Variants in EDIL3 observed in about 807,000 individuals in gnomAD.
EDIL3 encodes EGF like and discoidin domains 3.
Under a neutral mutation model 67.4 loss-of-function variants are expected in EDIL3, and 37 were observed. The observed-to-expected ratio is 0.55, with a 90% CI of 0.42 to 0.72. The LOEUF (loss-of-function observed/expected upper bound fraction) is 0.72, where lower values mean the gene tolerates loss of function less well. Ranked by LOEUF, EDIL3 falls within the 30% of genes least tolerant of loss-of-function variation. The pLI is 0.00. For synonymous variants in EDIL3, 195 were observed against 196.3 expected (o/e 0.99, Z 0.05); for missense variants, 527 against 586.3 (o/e 0.90, Z 1.04).
intron 4 of EDIL3, among the ~76,000 whole-genome samples, chr5:84,146,570 G>T (rs1748293017): frequency 2.0e-5 from 3 of 152,090 alleles, no homozygotes; most frequent in Non-Finnish European, 4.4e-5. Context: ...TGTTAGTTTG[G>T]AATACACTTT....
chr5:84,073,753 G>A (rs1403316552), intron 6 of EDIL3, among the ~76,000 whole-genome samples: 5 of 152,148 alleles, frequency 3.3e-5, no homozygotes, highest in East Asian at 3.9e-4. Context: ...AATCAATATC[G>A]TGAAAATGGC....
intron 4 of EDIL3, among the ~76,000 whole-genome samples, chr5:84,162,922 T>C (rs1748640801): frequency 6.6e-6 from 1 of 152,132 alleles, no homozygotes; most frequent in South Asian, 2.1e-4. Flanking sequence ...ATCATCATAA[T>C]AAAAGGAAAA....
intron 1 of EDIL3, among the ~76,000 whole-genome samples, chr5:84,322,252 T>G (rs911059323): frequency 6.6e-6 from 1 of 151,674 alleles, no homozygotes; most frequent in Admixed American, 6.6e-5. Context: ...GAAAAAGATC[T>G]AATGGCAGAT....
chr5:84,340,524 CTCTCTCTCTCTATATATA>C (rs1235826530), intron 1 of EDIL3, among the ~76,000 whole-genome samples: 5 of 71,680 alleles, frequency 7.0e-5, no homozygotes, highest in Non-Finnish European at 1.6e-4. Context: ...CTCTCTCTCT[CTCTCTCTCTCTATATATA>C]TATATATATA....
chr5:83,943,482 A>G lies in EDIL3; in HGVS notation c.1380T>C (p.Pro460=). Residue 460 remains proline, a synonymous_variant, in exon 11 of 11, where the codon CCT becomes CCC. Coordinates refer to ENST00000296591, the MANE Select transcript of EDIL3 (RefSeq NM_005711.5). ...PIYARHIRIL[P]WSWYGRITLR... ...ATGTGATCCTCCCGTACCAGGACCA[A>G]GGAAGGATTCTTATGTGTCGTGCAT... 1 of 1,612,818 alleles carries G rather than the reference A, an allele frequency of 6.2e-7. No homozygotes were observed.
At chr5:84,092,193 A>AT (rs1007257548) in intron 6 of EDIL3, among the ~76,000 whole-genome samples, 9 of 152,146 alleles carry the variant, frequency 5.9e-5, no homozygotes, top group Admixed American at 4.6e-4. Flanking sequence ...TCAATTTTGA[A>AT]TTTTTTTTAT....
At chr5:84,258,936 T>C (rs571231088) in intron 1 of EDIL3, among the ~76,000 whole-genome samples, 82 of 152,056 alleles carry the variant, frequency 5.4e-4, no homozygotes, top group South Asian at 1.0e-3. Flanking sequence ...ATAATTGTTT[T>C]CTGTTTGTTT....
intron 1 of EDIL3, among the ~76,000 whole-genome samples, chr5:84,357,215 A>G (rs1485333583): frequency 1.3e-5 from 2 of 151,864 alleles, no homozygotes; most frequent in Non-Finnish European, 2.9e-5. Context: ...ATGAGCCACC[A>G]CGCCTGGCAG....
At chr5:83,973,347 T>C (rs1744824146) in intron 9 of EDIL3, among the ~76,000 whole-genome samples, 2 of 152,122 alleles carry the variant, frequency 1.3e-5, no homozygotes, top group Admixed American at 1.3e-4. Flanking sequence ...TCAGGTACTT[T>C]AATTACAGCA....
At chr5:84,284,910 G>C (rs1745779996) in intron 1 of EDIL3, among the ~76,000 whole-genome samples, 1 of 151,978 alleles carries the variant, frequency 6.6e-6, no homozygotes, top group Non-Finnish European at 1.5e-5. Context: ...GAAAACAATG[G>C]GGAAAATCTA....
chr5:84,363,699 C>T (rs1402645692), intron 1 of EDIL3, among the ~76,000 whole-genome samples: 2 of 151,906 alleles, frequency 1.3e-5, no homozygotes, highest in African/African-American at 4.8e-5. Flanking sequence ...AGGTAAGATG[C>T]CTTATTCTTT....
intron 3 of EDIL3, among the ~76,000 whole-genome samples, chr5:84,208,685 C>CAAA (rs70975546): frequency 0.015 from 887 of 59,166 alleles, no homozygotes; most frequent in Middle Eastern, 0.036. Context: ...GACTCCGTCT[C>CAAA]AAAAAAAAAA....
intron 3 of EDIL3, among the ~76,000 whole-genome samples, chr5:84,205,153 T>C (rs1384683964): frequency 6.6e-6 from 1 of 151,398 alleles, no homozygotes; most frequent in Non-Finnish European, 1.5e-5. Flanking sequence ...TGGGCCCAAC[T>C]GATCCTCCCG....
intron 4 of EDIL3, among the ~76,000 whole-genome samples, chr5:84,167,990 A>T (rs1251467742): frequency 6.6e-6 from 1 of 152,206 alleles, no homozygotes; most frequent in Non-Finnish European, 1.5e-5. Context: ...TCAATTTAAG[A>T]TATATCATAT....
intron 4 of EDIL3, among the ~76,000 whole-genome samples, chr5:84,148,003 T>G (rs1364443892): frequency 6.6e-6 from 1 of 152,108 alleles, no homozygotes; most frequent in African/African-American, 2.4e-5. Context: ...ACAAAAATGA[T>G]GTCCTAAATG....
rs151335715 is a variant in EDIL3 at position 84,317,480 on chromosome 5, A to G, written c.68-63268T>C. ...ACTATAAACACCTGTAAGCAAATAA[A>G]CTAGAAAATCTAGAAGAAATGGATA... On this transcript the variant is annotated intron_variant, in intron 1 of 10. Coordinates refer to ENST00000296591, the MANE Select transcript of EDIL3 (RefSeq NM_005711.5). Among the ~76,000 whole-genome samples the G allele has an allele frequency of 9.3e-3, 1,409 of 152,256 alleles. 25 individuals carry two copies. The highest frequency in any genetic ancestry group is 0.033 in the African/African-American group (1,351 of 41,560).
chr5:84,267,479 A>G (rs1745372854), intron 1 of EDIL3, among the ~76,000 whole-genome samples: 1 of 152,232 alleles, frequency 6.6e-6, no homozygotes, highest in Non-Finnish European at 1.5e-5. Context: ...AGAATAGACC[A>G]GCTTTCAAAA....
Position 84,116,191 on chromosome 5 carries a change from C to CAAAAAA in EDIL3, c.470-9367_470-9362dup, listed in dbSNP as rs71605896. On this transcript the variant is annotated intron_variant, in intron 5 of 10. Coordinates refer to ENST00000296591, the MANE Select transcript of EDIL3 (RefSeq NM_005711.5). The stretch of plus-strand genomic sequence containing the variant: ...TATGAAATTTTAGTGTTCCAGAGGT[C>CAAAAAA]AAAAAAAAAAAAAAAAAACCCCAAG... Among the ~76,000 whole-genome samples, 41 of 116,322 alleles carry CAAAAAA rather than the reference C, an allele frequency of 3.5e-4. 1 individual carries two copies. The highest frequency in any genetic ancestry group is 1.2e-3 in the South Asian group (4 of 3,338). 76.3% of individuals were successfully genotyped at this position (116,322 alleles called of 152,430 possible). A position where few individuals can be genotyped will look rare whatever the true frequency, so the allele number is the denominator to read the frequency against.
At chr5:83,974,790 A>G (rs1476788067) in intron 9 of EDIL3, among the ~76,000 whole-genome samples, 1 of 151,996 alleles carries the variant, frequency 6.6e-6, no homozygotes, top group Non-Finnish European at 1.5e-5. Context: ...GTGTATATAT[A>G]TCTTATGTAT....
Sources: allele counts gnomAD v4.1 joint callset (sites outside exome capture counted in the v4.1 genomes callset), GRCh38; gene constraint gnomAD v4.1.1; transcripts MANE v1.5; gene names NCBI Gene and HGNC (gene_info 2026-07-23, HGNC 2026-07-21).